SUSD3: variants seen among roughly 807,000 people sequenced by gnomAD.
The protein encoded by SUSD3 is sushi domain-containing protein 3.
SUSD3 carries 18 observed loss-of-function variants against 20.6 expected under a neutral mutation model. The observed-to-expected ratio is 0.87, with a 90% CI of 0.60 to 1.30. The LOEUF (loss-of-function observed/expected upper bound fraction) is 1.30, where lower values mean the gene tolerates loss of function less well. SUSD3 is among the 50% of genes most tolerant of loss of function. SUSD3 has a pLI of 0.00. For missense variants in SUSD3, 306 were observed against 346.9 expected (o/e 0.88, Z 0.94); for synonymous variants, 137 against 141.5 (o/e 0.97, Z 0.23).
At chr9:93,075,411 CTTTTTTTT>C (rs58393196) in intron 1 of SUSD3, among the ~76,000 whole-genome samples, 1,686 of 101,334 alleles carry the variant, frequency 0.017, 34 homozygotes, top group African/African-American at 0.065. Flanking sequence ...CTCTGTCCCT[CTTTTTTTT>C]TTTTTTTTTT....
chr9:93,061,744 C>T (rs1368334029), intron 1 of SUSD3, among the ~76,000 whole-genome samples: 1 of 152,216 alleles, frequency 6.6e-6, no homozygotes, highest in African/African-American at 2.4e-5. Context: ...GTGCAAAAGT[C>T]ACCCCCTTTA....
chr9:93,062,298 T>C (rs1310664888), intron 1 of SUSD3, among the ~76,000 whole-genome samples: 1 of 152,210 alleles, frequency 6.6e-6, no homozygotes, highest in Non-Finnish European at 1.5e-5. Context: ...GGGCCTCGTG[T>C]GTTTTTATTT....
intron 1 of SUSD3, among the ~76,000 whole-genome samples, chr9:93,067,614 T>C (rs1002408161): frequency 6.8e-6 from 1 of 147,608 alleles, no homozygotes; most frequent in Non-Finnish European, 1.5e-5. Context: ...TTTTTTTTTT[T>C]CTTGAAACGA....
chr9:93,064,248 A>G lies in SUSD3; in HGVS notation c.88+5418A>G, dbSNP rs139353285. 9.6e-3 allele frequency among the ~76,000 whole-genome samples: 1,460 copies of G among 152,270 alleles called. 23 individuals carry two copies. The highest frequency in any genetic ancestry group is 0.033 in the African/African-American group (1,384 of 41,546). On this transcript the variant is annotated intron_variant, in intron 1 of 4. Coordinates refer to ENST00000375472, the MANE Select transcript of SUSD3 (RefSeq NM_145006.4). The stretch of plus-strand genomic sequence containing the variant: ...TTTTTAATAGAGACAGGGTTTCACC[A>G]TGTTGGCCAGGATGGTCTTGATCTC...
Position 93,075,886 on chromosome 9 carries a change from A to T in SUSD3, c.191A>T (p.Asn64Ile). The change falls in exon 2 of 5, where the codon AAC (asparagine) becomes ATC (isoleucine). Residue 64 changes from asparagine to isoleucine, a missense_variant. Transcript: ENST00000375472. ...GTVLMFRCPS[N>I]HQMVGSGLLT... ...GTGCTCATGTTCCGCTGCCCCTCCA[A>T]CCACCAGATGGTGGGGTCTGGGCTC... 1 of 1,613,204 alleles carries T rather than the reference A, an allele frequency of 6.2e-7. No homozygotes were observed. The highest frequency in any genetic ancestry group is 8.5e-7 in the Non-Finnish European group (1 of 1,179,540).
intron 4 of SUSD3, 150 bp downstream of exon 4, chr9:93,079,752 G>GGACCACCAGCCTCTTGTTTT: frequency 1.3e-6 from 1 of 778,084 alleles, no homozygotes; most frequent in Non-Finnish European, 2.0e-6. Flanking sequence ...TCTAAAACAA[G>GGACCACCAGCCTCTTGTTTT]AGGCTGGTGG....
chr9:93,082,258 G>A (rs954121029), intron 4 of SUSD3, among the ~76,000 whole-genome samples: 1 of 150,754 alleles, frequency 6.6e-6, no homozygotes, highest in East Asian at 1.9e-4. Context: ...TCCATGTGTT[G>A]TGGGAGGGCA....
chr9:93,075,978 G>A lies in SUSD3; in HGVS notation c.277+6G>A. 4 of 1,583,058 alleles carry A rather than the reference G, an allele frequency of 2.5e-6. No homozygotes were observed. Among genetic ancestry groups the A allele is most frequent in the Non-Finnish European group, 3.5e-6 (4 of 1,159,300 alleles). The stretch of plus-strand genomic sequence containing the variant: ...AGGGTCCCCAGTGTGCAAACGTAAG[G>A]ACCCCTCTCTCAGCTCGGTGGCTCT... On this transcript the variant is annotated splice_donor_region_variant and intron_variant, in intron 2 of 4. Transcript: ENST00000375472.
intron 1 of SUSD3, 37 bp from the exon 2 acceptor site, chr9:93,075,747 C>A (rs753393618): frequency 1.8e-4 from 35 of 192,822 alleles, no homozygotes; most frequent in African/African-American, 6.8e-4. Context: ...CCCACCCCCC[C>A]CCCCCCGCCA....
intron 1 of SUSD3, among the ~76,000 whole-genome samples, chr9:93,070,928 G>T (rs574960995): frequency 6.6e-6 from 1 of 152,062 alleles, no homozygotes; most frequent in South Asian, 2.1e-4. Context: ...TGTCACCTTG[G>T]GGCCCCAAGT....
At chr9:93,073,061 T>A (rs1258546103) in intron 1 of SUSD3, among the ~76,000 whole-genome samples, 1 of 151,448 alleles carries the variant, frequency 6.6e-6, no homozygotes, top group Non-Finnish European at 1.5e-5. Flanking sequence ...AATAATGGGG[T>A]CCCTCAGACT....
At chr9:93,067,652 C>T (rs761436247) in intron 1 of SUSD3, among the ~76,000 whole-genome samples, 92 of 150,156 alleles carry the variant, frequency 6.1e-4, no homozygotes, top group Non-Finnish European at 5.0e-4. Context: ...GGCTGGAGTG[C>T]GGTAGCCTGA....
intron 2 of SUSD3, 65 bp downstream of exon 2, chr9:93,076,037 G>T: frequency 7.0e-7 from 1 of 1,426,950 alleles, no homozygotes; most frequent in Admixed American, 1.9e-5. Flanking sequence ...CCTGTCATGG[G>T]GATGGTGTGG....
At chr9:93,078,192 G>T (rs796475082) in intron 3 of SUSD3, among the ~76,000 whole-genome samples, 199 bp downstream of exon 3, 12 of 152,350 alleles carry the variant, frequency 7.9e-5, no homozygotes, top group African/African-American at 2.9e-4. Context: ...CATCACAGCT[G>T]GGGGACATGT....
In SUSD3 at chr9:93,079,535, G is replaced by C. The variant is rs1173531913; in HGVS notation, c.490G>C (p.Gly164Arg). 6.2e-7 allele frequency: 1 copy of C among 1,614,126 alleles called. No homozygotes were observed. Among genetic ancestry groups the C allele is most frequent in the African/African-American group, 1.3e-5 (1 of 75,056 alleles). The change falls in exon 4 of 5, where the codon GGC becomes CGC. Residue 164 changes from glycine to arginine, a missense_variant. Physicochemically the swap from Gly to Arg is moderately radical, Grantham distance 125. Transcript: ENST00000375472. ...DLETVQAAYL[G>R]LKHFNKPVSG... The stretch of plus-strand genomic sequence containing the variant: ...GGAGACGGTGCAGGCCGCATACCTT[G>C]GCCTCAAGCACTTCAACAAACCCGT...
intron 4 of SUSD3, among the ~76,000 whole-genome samples, chr9:93,082,115 G>T (rs1826437953): frequency 6.6e-6 from 1 of 152,206 alleles, no homozygotes; most frequent in Admixed American, 6.5e-5. Flanking sequence ...TACAAGTTGT[G>T]TGGGTAGTTT....
chr9:93,084,706 A>G lies in SUSD3; in HGVS notation c.727A>G (p.Thr243Ala). The change falls in exon 5 of 5, where the codon ACA (threonine) becomes GCA (alanine). Residue 243 changes from threonine to alanine, a missense_variant. By Grantham distance (58) the Thr-to-Ala change is moderately conservative. Coordinates refer to ENST00000375472, the MANE Select transcript of SUSD3 (RefSeq NM_145006.4). ...RQPLPASGLATGMPQQPAAYA... is the reference protein window; with the variant it reads ...RQPLPASGLAAGMPQQPAAYA... ...GCCCCTGCCTGCCTCTGGGCTGGCC[A>G]CAGGAATGCCACAACAGCCCGCAGC... The G allele has an allele frequency of 6.3e-7, 1 of 1,597,850 alleles. No individual in the cohort carries two copies. The highest frequency in any genetic ancestry group is 8.5e-7 in the Non-Finnish European group (1 of 1,171,480).
intron 1 of SUSD3, among the ~76,000 whole-genome samples, chr9:93,060,032 G>A (rs899144127): frequency 9.8e-5 from 15 of 152,344 alleles, no homozygotes; most frequent in African/African-American, 3.4e-4. Flanking sequence ...AACAGCCTGG[G>A]GGCGTGGGTG....
Position 93,084,785 on chromosome 9 carries a change from A to G in SUSD3, c.*38A>G. On this transcript the variant is annotated 3_prime_UTR_variant, in exon 5 of 5. Transcript: ENST00000375472. ...GCTGGTGCCCATGCTCCACACTGGG[A>G]GGCCAGGCTGACCCCACCAGCCAGT... is the stretch of plus-strand genomic sequence containing the variant. The G allele has an allele frequency of 1.4e-6, 2 of 1,444,428 alleles. No individual in the cohort carries two copies. Among genetic ancestry groups the G allele is most frequent in the Non-Finnish European group, 9.1e-7 (1 of 1,099,722 alleles). The allele number at this position is 1,444,428 out of a possible 1,614,324, so 89.5% of individuals were successfully genotyped here. A position where few individuals can be genotyped will look rare whatever the true frequency, so the allele number is the denominator to read the frequency against.
Sources: gnomAD v4.1 joint callset for allele counts (sites outside exome capture counted in the v4.1 genomes callset) on GRCh38, gnomAD v4.1.1 for gene constraint, MANE v1.5 for transcripts, NCBI Gene and HGNC (gene_info 2026-07-23, HGNC 2026-07-21) for gene names.